PSD3: variants seen among roughly 807,000 people sequenced by gnomAD.
PSD3 encodes the protein PH and SEC7 domain-containing protein 3.
In PSD3, 49 loss-of-function variants were observed where a neutral mutation model predicts 105.5. The ratio of observed to expected loss-of-function variants is 0.46; its 90% CI spans 0.37 to 0.59. The LOEUF (loss-of-function observed/expected upper bound fraction) is 0.59. Among genes scored for constraint, PSD3 ranks in the 20% least tolerant of loss-of-function variants. The pLI, the probability that PSD3 is intolerant of heterozygous loss-of-function variation, is 0.00. For missense variants in PSD3, 1,561 were observed against 1,263.8 expected, an observed-to-expected ratio of 1.24 and a Z score of -3.57; for synonymous variants, 557 against 457.8, an observed-to-expected ratio of 1.22 and a Z score of -2.77.
At chr8:18,732,196 C>G (rs1803807292) in intron 9 of PSD3, among the ~76,000 whole-genome samples, 2 of 151,716 alleles carry the variant, frequency 1.3e-5, no homozygotes, top group South Asian at 4.2e-4. Flanking sequence ...AACCCACTAA[C>G]TACAAAGCAA....
At chr8:18,725,130 T>A (rs1016439331) in intron 9 of PSD3, among the ~76,000 whole-genome samples, 1 of 152,174 alleles carries the variant, frequency 6.6e-6, no homozygotes, top group Non-Finnish European at 1.5e-5. Flanking sequence ...CCCATCATAT[T>A]TCCTATGTAA....
At chr8:18,734,321 T>C (rs997658272) in intron 9 of PSD3, 1 of 152,254 alleles carries the variant, frequency 6.6e-6, no homozygotes, top group Non-Finnish European at 1.5e-5. Context: ...ATGAAATTCA[T>C]GTATATGTCT....
At chr8:18,563,912 G>A (rs542962126) in intron 14 of PSD3, among the ~76,000 whole-genome samples, 1 of 152,044 alleles carries the variant, frequency 6.6e-6, no homozygotes. Context: ...AAATCATCTG[G>A]GTCAGATTAT....
intron 8 of PSD3, among the ~76,000 whole-genome samples, chr8:18,773,414 C>T (rs1007043086): frequency 2.6e-5 from 4 of 151,868 alleles, no homozygotes; most frequent in East Asian, 3.9e-4. Flanking sequence ...AAATAACATA[C>T]GAGTACTCTA....
At chr8:18,808,866 C>G in intron 4 of PSD3, 2 of 1,598,602 alleles carry the variant, frequency 1.3e-6, no homozygotes, top group Non-Finnish European at 1.7e-6. Context: ...AGTTCAGTGA[C>G]TGCCGAGCCT....
intron 9 of PSD3, among the ~76,000 whole-genome samples, chr8:18,677,528 G>C (rs1321990244): frequency 1.3e-5 from 2 of 152,202 alleles, no homozygotes; most frequent in African/African-American, 2.4e-5. Context: ...CTAGAAGACA[G>C]AGCAATATTG....
intron 15 of PSD3, 36 bp from the exon 16 acceptor site, chr8:18,535,994 A>C (rs1227179232): frequency 1.3e-6 from 2 of 1,584,766 alleles, no homozygotes; most frequent in Non-Finnish European, 1.7e-6. Flanking sequence ...GTAGTCAGAA[A>C]ACTGTTCAAA....
chr8:18,866,725 G>A (rs995704204), intron 4 of PSD3, among the ~76,000 whole-genome samples: 1 of 151,256 alleles, frequency 6.6e-6, no homozygotes, highest in Middle Eastern at 3.2e-3. Context: ...GCTCAGCACA[G>A]GGCAGACTGC....
chr8:18,614,347 C>T (rs546191110), intron 11 of PSD3, among the ~76,000 whole-genome samples: 2 of 150,772 alleles, frequency 1.3e-5, no homozygotes, highest in Non-Finnish European at 1.5e-5. Flanking sequence ...CCATCCCCCC[C>T]CCAAAAAAAT....
At chr8:18,885,867 C>G (rs1400203538) in intron 2 of PSD3, among the ~76,000 whole-genome samples, 1 of 152,184 alleles carries the variant, frequency 6.6e-6, no homozygotes, top group East Asian at 1.9e-4. Context: ...TGTGTGTAAA[C>G]TGAGATACCT....
At chr8:19,070,026 C>T (rs1260873748) in intron 1 of PSD3, among the ~76,000 whole-genome samples, 1 of 151,286 alleles carries the variant, frequency 6.6e-6, no homozygotes, top group South Asian at 2.1e-4. Context: ...CTCACTGCAA[C>T]CTCCGCCTCC....
intron 4 of PSD3, among the ~76,000 whole-genome samples, chr8:18,827,698 G>A (rs1401764399): frequency 6.6e-6 from 1 of 152,070 alleles, no homozygotes; most frequent in Non-Finnish European, 1.5e-5. Flanking sequence ...GGTGACAGAT[G>A]AGAAGGATTC....
chr8:18,710,852 T>C (rs1802208904), intron 9 of PSD3, among the ~76,000 whole-genome samples: 1 of 152,100 alleles, frequency 6.6e-6, no homozygotes, highest in Non-Finnish European at 1.5e-5. Context: ...TAGCTAATTT[T>C]TGTATTTTTA....
At chr8:18,574,040 C>T (rs1802326157) in intron 13 of PSD3, among the ~76,000 whole-genome samples, 2 of 152,100 alleles carry the variant, frequency 1.3e-5, no homozygotes, top group South Asian at 4.2e-4. Context: ...GTCATTATAT[C>T]CAGAAAGCCC....
chr8:19,074,080 G>A (rs1829367270), intron 1 of PSD3, among the ~76,000 whole-genome samples: 1 of 152,090 alleles, frequency 6.6e-6, no homozygotes. Context: ...CCGAGCCACC[G>A]CGCCCCGCAG....
chr8:19,081,563 A>T (rs1440577464), intron 1 of PSD3, among the ~76,000 whole-genome samples: 1 of 152,194 alleles, frequency 6.6e-6, no homozygotes, highest in African/African-American at 2.4e-5. Context: ...TCCTTGCAGA[A>T]TTTCGAGATT....
chr8:18,961,084 C>A (rs996468284), intron 1 of PSD3, among the ~76,000 whole-genome samples: 7 of 150,906 alleles, frequency 4.6e-5, no homozygotes, highest in Non-Finnish European at 1.0e-4. Context: ...AGAGTGAGAC[C>A]CTGTCTCCAA....
chr8:18,658,037 A>C (rs1410438288), intron 9 of PSD3, among the ~76,000 whole-genome samples: 3 of 152,228 alleles, frequency 2.0e-5, no homozygotes, highest in African/African-American at 7.2e-5. Context: ...CTTGCTATTC[A>C]ATCAGCCAGA....
Position 18,879,051 on chromosome 8 carries a change from AACACAC to A in PSD3, c.131-6324_131-6319del, listed in dbSNP as rs59598569. 9.4e-3 allele frequency among the ~76,000 whole-genome samples: 1,309 copies of A among 138,662 alleles called. 21 individuals carry two copies. The highest frequency in any genetic ancestry group is 0.031 in the African/African-American group (1,171 of 37,970). The allele number at this position is 138,662 out of a possible 152,430, so 91.0% of individuals were successfully genotyped here. A position where few individuals can be genotyped will look rare whatever the true frequency, so the allele number is the denominator to read the frequency against. On this transcript the variant is annotated intron_variant, in intron 2 of 15. Transcript: ENST00000327040. Reference sequence around the variant, plus strand: ...ACAAACAAACAAACACACACACACAAACACACACACACACACACACACACACACACA... The same window carrying A: ...ACAAACAAACAAACACACACACACAAACACACACACACACACACACACACA...
Sources: allele counts gnomAD v4.1 joint callset (sites outside exome capture counted in the v4.1 genomes callset), GRCh38; gene constraint gnomAD v4.1.1; transcripts MANE v1.5; gene names NCBI Gene and HGNC (gene_info 2026-07-23, HGNC 2026-07-21).